RARB: variants seen among roughly 807,000 people sequenced by gnomAD.
RARB encodes the protein HBV-activated protein.
A neutral mutation model predicts 51.9 loss-of-function variants in RARB; 17 were observed. That is an observed-to-expected ratio of 0.33 (90% CI 0.22 to 0.49). The LOEUF (loss-of-function observed/expected upper bound fraction) is 0.49, where lower values mean the gene tolerates loss of function less well. RARB is among the 20% of genes least tolerant of loss of function. The pLI, the probability that RARB is intolerant of heterozygous loss-of-function variation, is 0.99. For missense variants in RARB, 369 were observed against 550.8 expected (o/e 0.67, Z 3.30); for synonymous variants, 215 against 195.4 (o/e 1.10, Z -0.84).
At chr3:25,033,390 T>A (rs914455969) in intron 2 of RARB, among the ~76,000 whole-genome samples, 1 of 152,094 alleles carries the variant, frequency 6.6e-6, no homozygotes, top group Non-Finnish European at 1.5e-5. Flanking sequence ...AGCTGGGAAG[T>A]TAATTGTCTG....
intron 4 of RARB, among the ~76,000 whole-genome samples, chr3:25,579,457 T>TGGG (rs1367235716): frequency 1.3e-5 from 2 of 152,220 alleles, no homozygotes; most frequent in African/African-American, 4.8e-5. Context: ...ATAAATGGAA[T>TGGG]CGTTTTGAGT....
At chr3:25,358,498 C>G (rs1705822355) in intron 5 of RARB, among the ~76,000 whole-genome samples, 1 of 152,148 alleles carries the variant, frequency 6.6e-6, no homozygotes, top group Non-Finnish European at 1.5e-5. Context: ...ATTGCCCTGG[C>G]CAGAACTTCC....
At chr3:25,461,921 C>A (rs1042875673) in intron 2 of RARB, among the ~76,000 whole-genome samples, 1 of 152,190 alleles carries the variant, frequency 6.6e-6, no homozygotes, top group African/African-American at 2.4e-5. Flanking sequence ...AAACAAAGAA[C>A]TGGTTGGAAG....
chr3:25,327,507 C>G (rs1704760784), intron 5 of RARB, among the ~76,000 whole-genome samples: 1 of 152,054 alleles, frequency 6.6e-6, no homozygotes. Flanking sequence ...GACTATCGAC[C>G]TAGAATTCTA....
intron 5 of RARB, among the ~76,000 whole-genome samples, chr3:25,261,541 G>A (rs936582538): frequency 6.6e-6 from 1 of 151,994 alleles, no homozygotes; most frequent in African/African-American, 2.4e-5. Context: ...CTCATCTGCT[G>A]GTAGAGGTTG....
chr3:25,226,540 C>T (rs1163321768), intron 5 of RARB, among the ~76,000 whole-genome samples: 1 of 152,078 alleles, frequency 6.6e-6, no homozygotes, highest in Non-Finnish European at 1.5e-5. Context: ...ACAAACCTGC[C>T]AATCCTAATG....
At chr3:24,909,673 C>T (rs1010049804) in intron 2 of RARB, among the ~76,000 whole-genome samples, 1 of 150,532 alleles carries the variant, frequency 6.6e-6, no homozygotes, top group South Asian at 2.1e-4. Flanking sequence ...TTCTATATGT[C>T]AGTTTTATTT....
chr3:25,285,492 A>C (rs1366121005), intron 5 of RARB, among the ~76,000 whole-genome samples: 1 of 152,184 alleles, frequency 6.6e-6, no homozygotes, highest in Non-Finnish European at 1.5e-5. Flanking sequence ...CACTTCAGAA[A>C]GGTAACTTTG....
chr3:25,447,237 C>G (rs1263185522), intron 1 of RARB, among the ~76,000 whole-genome samples: 1 of 151,432 alleles, frequency 6.6e-6, no homozygotes, highest in Non-Finnish European at 1.5e-5. Flanking sequence ...TTTTTTTTAA[C>G]CAACACTGAT....
rs71087718 is a variant in RARB, at chr3:25,482,521, A to ATTTTTTTTTTTTTTT, written c.307-18639_307-18625dup. Among the ~76,000 whole-genome samples the ATTTTTTTTTTTTTTT allele has an allele frequency of 3.3e-4, 22 of 65,788 alleles. 3 individuals are homozygous for ATTTTTTTTTTTTTTT. Among genetic ancestry groups the ATTTTTTTTTTTTTTT allele is most frequent in the East Asian group, 1.1e-3 (2 of 1,886 alleles). The allele number at this position is 65,788 out of a possible 152,430, so 43.2% of individuals were successfully genotyped here. ...TAACTTTAAATTTTCTAGCAGCCAA[A>ATTTTTTTTTTTTTTT]TTTTTTTTTTTTTTTTTTTTTTTTT... On this transcript the variant is annotated intron_variant, in intron 2 of 7. Transcript: ENST00000330688.
intron 5 of RARB, among the ~76,000 whole-genome samples, chr3:25,302,666 C>T (rs1704068922): frequency 6.6e-6 from 1 of 152,124 alleles, no homozygotes; most frequent in African/African-American, 2.4e-5. Flanking sequence ...GAAAATGTTT[C>T]AAGATTAGAT....
intron 2 of RARB, among the ~76,000 whole-genome samples, chr3:25,500,584 A>G (rs748757231): frequency 1.3e-5 from 2 of 150,368 alleles, no homozygotes; most frequent in African/African-American, 4.9e-5. Flanking sequence ...GGTTCACGCA[A>G]TTCTCCTGCC....
chr3:25,100,665 TTG>T (rs1242131761), intron 3 of RARB, among the ~76,000 whole-genome samples: 1 of 152,208 alleles, frequency 6.6e-6, no homozygotes, highest in African/African-American at 2.4e-5. Context: ...GCTATTTTTA[TTG>T]TCTTATCTAA....
intron 2 of RARB, among the ~76,000 whole-genome samples, chr3:25,036,195 G>C (rs781660134): frequency 1.3e-5 from 2 of 152,004 alleles, no homozygotes; most frequent in Non-Finnish European, 2.9e-5. Flanking sequence ...AATACCAAAG[G>C]CCTACTATGA....
intron 1 of RARB, among the ~76,000 whole-genome samples, chr3:25,460,384 A>C (rs911255199): frequency 7.2e-5 from 11 of 152,030 alleles, no homozygotes; most frequent in Non-Finnish European, 1.3e-4. Context: ...TTGAATGAAT[A>C]ATTTGGGCAT....
intron 2 of RARB, among the ~76,000 whole-genome samples, chr3:24,926,804 C>G (rs576495770): frequency 5.3e-5 from 8 of 152,108 alleles, no homozygotes; most frequent in African/African-American, 1.7e-4. Context: ...CTATATTGTT[C>G]AAATAGTTGT....
chr3:25,411,936 A>C (rs890906299), intron 5 of RARB, among the ~76,000 whole-genome samples: 3 of 152,228 alleles, frequency 2.0e-5, no homozygotes, highest in African/African-American at 7.2e-5. Flanking sequence ...AAGGCTAGGT[A>C]GGAAGAGGGC....
chr3:25,080,428 A>G (rs963885039), intron 3 of RARB, among the ~76,000 whole-genome samples: 1 of 152,194 alleles, frequency 6.6e-6, no homozygotes, highest in African/African-American at 2.4e-5. Flanking sequence ...CCTGCTCTCA[A>G]CTGTTAAAGT....
chr3:25,230,255 C>T (rs966074293), intron 5 of RARB, among the ~76,000 whole-genome samples: 1 of 152,066 alleles, frequency 6.6e-6, no homozygotes, highest in Non-Finnish European at 1.5e-5. Context: ...ACCGAACATA[C>T]TTATTCTCTG....
Sources: allele counts gnomAD v4.1 joint callset (sites outside exome capture counted in the v4.1 genomes callset), GRCh38; gene constraint gnomAD v4.1.1; transcripts MANE v1.5; gene names NCBI Gene and HGNC (gene_info 2026-07-23, HGNC 2026-07-21).